The following CNTNAP2 variants were observed in gnomAD, a reference collection of about 807,000 sequenced individuals.
CNTNAP2 encodes contactin-associated protein-like 2.
Under a neutral mutation model 155.2 loss-of-function variants are expected in CNTNAP2, and 98 were observed. That is an observed-to-expected ratio of 0.63 (90% confidence interval 0.54 to 0.75). The LOEUF (loss-of-function observed/expected upper bound fraction) is 0.75. Ranked by LOEUF, CNTNAP2 falls within the 30% of genes least tolerant of loss-of-function variation. The pLI is 0.00. For missense variants in CNTNAP2, 1,727 were observed against 1,688.1 expected, an observed-to-expected ratio of 1.02 and a Z score of -0.40; for synonymous variants, 651 against 631.2, an observed-to-expected ratio of 1.03 and a Z score of -0.47.
In CNTNAP2 at chr7:146,332,918, TTTC is replaced by T. The variant is rs1351614261; in HGVS notation, c.97+215954_97+215956del. 4.0e-5 allele frequency among the ~76,000 whole-genome samples: 6 copies of T among 150,834 alleles called. No homozygotes were observed. In the East Asian group the frequency reaches 5.8e-4, roughly 15 times the overall value. ...CAGAGGGATTAGAACCTGAGGGCAA[TTTC>T]TTCTTCTTTTTCTTCTTCTATTTTT... is the stretch of plus-strand genomic sequence containing the variant. On this transcript the variant is annotated intron_variant, in intron 1 of 23. Transcript: ENST00000361727.
chr7:147,163,243 G>C (rs2116458814), intron 8 of CNTNAP2, among the ~76,000 whole-genome samples: 1 of 152,272 alleles, frequency 6.6e-6, no homozygotes, highest in Middle Eastern at 3.4e-3. Context: ...TGGATGGCTA[G>C]GCTGTGCATA....
chr7:147,836,363 G>A (rs1798635003), intron 13 of CNTNAP2, among the ~76,000 whole-genome samples: 1 of 151,786 alleles, frequency 6.6e-6, no homozygotes, highest in Admixed American at 6.6e-5. Context: ...CAGTATTCCA[G>A]CCACACTGGT....
chr7:147,819,137 T>C lies in CNTNAP2; in HGVS notation c.2099-84428T>C, dbSNP rs138447095. The stretch of plus-strand genomic sequence containing the variant: ...GAGTAATTCAACTTAAAGATCACCA[T>C]AGAATTTTAATCATAGAGATGAGAA... On this transcript the variant is annotated intron_variant, in intron 13 of 23. Transcript: ENST00000361727. Among the ~76,000 whole-genome samples, 115 of 152,288 alleles carry C rather than the reference T, an allele frequency of 7.6e-4. 1 individual carries two copies. The highest frequency in any genetic ancestry group is 1.4e-3 in the Non-Finnish European group (98 of 68,002).
chr7:147,557,188 C>T (rs561935892), intron 11 of CNTNAP2, among the ~76,000 whole-genome samples: 8 of 151,990 alleles, frequency 5.3e-5, no homozygotes, highest in African/African-American at 1.4e-4. Flanking sequence ...CGCTTGAACC[C>T]GGGAGGCAAA....
intron 8 of CNTNAP2, among the ~76,000 whole-genome samples, chr7:147,212,533 A>T (rs1016037128): frequency 6.6e-5 from 10 of 152,222 alleles, no homozygotes; most frequent in African/African-American, 2.4e-4. Flanking sequence ...AGAGCTAAAC[A>T]TTGGTACTCA....
chr7:146,496,442 T>C (rs10263151), intron 1 of CNTNAP2, among the ~76,000 whole-genome samples: 64,143 of 152,050 alleles, frequency 0.42, 14,688 homozygotes, highest in African/African-American at 0.61. Context: ...GGTTTATGGC[T>C]ATTAAAAACA....
intron 1 of CNTNAP2, among the ~76,000 whole-genome samples, chr7:146,147,495 A>C (rs560156389): frequency 1.1e-3 from 175 of 152,280 alleles, no homozygotes; most frequent in African/African-American, 4.1e-3. Flanking sequence ...CCATAAAATA[A>C]TGGCTTTCGT....
intron 1 of CNTNAP2, among the ~76,000 whole-genome samples, chr7:146,256,897 G>T (rs760869672): frequency 9.9e-5 from 15 of 152,112 alleles, no homozygotes; most frequent in Non-Finnish European, 1.5e-4. Context: ...CATCTCTAAG[G>T]CGTTGTGAGA....
intron 15 of CNTNAP2, among the ~76,000 whole-genome samples, chr7:148,016,507 G>A (rs1460886639): frequency 6.6e-6 from 1 of 152,156 alleles, no homozygotes; most frequent in Non-Finnish European, 1.5e-5. Flanking sequence ...CTTATCTGGG[G>A]GAAGACACTG....
chr7:147,032,707 AAGAG>A (rs958288514), intron 3 of CNTNAP2, among the ~76,000 whole-genome samples: 8 of 150,796 alleles, frequency 5.3e-5, no homozygotes, highest in Admixed American at 1.3e-4. Context: ...GAAGGAAAGA[AAGAG>A]AGAAAAAAAG....
chr7:148,143,470 C>G (rs963311534), intron 16 of CNTNAP2, among the ~76,000 whole-genome samples: 7 of 152,024 alleles, frequency 4.6e-5, no homozygotes, highest in African/African-American at 1.4e-4. Context: ...CTTGAGCCCA[C>G]GATTTCGAGA....
intron 1 of CNTNAP2, among the ~76,000 whole-genome samples, chr7:146,378,458 T>A (rs1008227620): frequency 4.6e-5 from 7 of 152,186 alleles, no homozygotes; most frequent in African/African-American, 1.7e-4. Context: ...TGCTCTTTGC[T>A]TGGAGCTATT....
At chr7:147,238,729 GTAAT>G in intron 8 of CNTNAP2, among the ~76,000 whole-genome samples, 1 of 152,168 alleles carries the variant, frequency 6.6e-6, no homozygotes, top group East Asian at 1.9e-4. Context: ...TCCAGTAAAC[GTAAT>G]TAAATTCAAG....
chr7:147,118,475 T>C (rs1404299040), intron 5 of CNTNAP2, among the ~76,000 whole-genome samples: 1 of 152,208 alleles, frequency 6.6e-6, no homozygotes, highest in Non-Finnish European at 1.5e-5. Flanking sequence ...GTAAAACTTG[T>C]AGGATACAAA....
At chr7:146,524,194 C>T (rs1797655735) in intron 1 of CNTNAP2, among the ~76,000 whole-genome samples, 3 of 152,206 alleles carry the variant, frequency 2.0e-5, no homozygotes, top group South Asian at 4.1e-4. Context: ...AAAGAAAATT[C>T]AGAGCTCTTA....
chr7:148,238,913 A>C (rs1796094483), intron 20 of CNTNAP2, among the ~76,000 whole-genome samples: 2 of 152,202 alleles, frequency 1.3e-5, no homozygotes, highest in Admixed American at 1.3e-4. Context: ...GGATGTAAAC[A>C]CTCCTAAAAA....
chr7:147,089,002 G>GAGAGAGAA (rs1205099444), intron 4 of CNTNAP2, among the ~76,000 whole-genome samples: 2 of 146,796 alleles, frequency 1.4e-5, no homozygotes, highest in African/African-American at 5.5e-5. Context: ...CAGAGAGATA[G>GAGAGAGAA]AGAGAGAAAG....
intron 1 of CNTNAP2, among the ~76,000 whole-genome samples, chr7:146,537,229 T>A (rs927687682): frequency 1.3e-5 from 2 of 152,224 alleles, no homozygotes; most frequent in East Asian, 3.9e-4. Context: ...GGAGAAAAGG[T>A]ATTTAGGAGA....
intron 10 of CNTNAP2, among the ~76,000 whole-genome samples, chr7:147,426,748 G>A (rs1054655388): frequency 7.9e-5 from 12 of 152,078 alleles, no homozygotes; most frequent in African/African-American, 2.9e-4. Flanking sequence ...AATCTGCTTT[G>A]TTTACCACTA....
Sources: gnomAD v4.1 joint callset for allele counts (sites outside exome capture counted in the v4.1 genomes callset) on GRCh38, gnomAD v4.1.1 for gene constraint, MANE v1.5 for transcripts, NCBI Gene and HGNC (gene_info 2026-07-23, HGNC 2026-07-21) for gene names.